The following SETBP1 variants were observed in gnomAD, a reference collection of about 807,000 sequenced individuals.
SETBP1 encodes the protein SET-binding protein.
SETBP1 carries 9 observed loss-of-function variants against 101.0 expected under a neutral mutation model. The observed-to-expected ratio is 0.09, with a 90% CI of 0.05 to 0.16. The LOEUF (loss-of-function observed/expected upper bound fraction) is 0.16. Among genes scored for constraint, SETBP1 ranks in the 10% least tolerant of loss-of-function variants. The pLI is 1.00. For synonymous variants in SETBP1, 818 were observed against 788.5 expected (o/e 1.04, Z -0.63); for missense variants, 1,858 against 2,033.8 (o/e 0.91, Z 1.66).
chr18:44,815,562 GT>G (rs1207995553), intron 2 of SETBP1, among the ~76,000 whole-genome samples: 2 of 152,146 alleles, frequency 1.3e-5, no homozygotes, highest in Admixed American at 6.5e-5. Flanking sequence ...TTCTGGACAT[GT>G]TTTTTTGATG....
At chr18:44,958,268 A>G (rs2071535323) in intron 4 of SETBP1, among the ~76,000 whole-genome samples, 1 of 152,234 alleles carries the variant, frequency 6.6e-6, no homozygotes, top group Non-Finnish European at 1.5e-5. Context: ...ATGAAGTTTG[A>G]AAACAGGTAC....
At chr18:44,816,100 A>C (rs2071969273) in intron 2 of SETBP1, among the ~76,000 whole-genome samples, 1 of 152,168 alleles carries the variant, frequency 6.6e-6, no homozygotes, top group African/African-American at 2.4e-5. Flanking sequence ...GAGGCCTGGG[A>C]GACAGAGGGG....
At chr18:44,865,365 A>G (rs1477770787) in intron 2 of SETBP1, among the ~76,000 whole-genome samples, 1 of 152,128 alleles carries the variant, frequency 6.6e-6, no homozygotes, top group Non-Finnish European at 1.5e-5. Context: ...CCCTTTGTCT[A>G]CACATTTTCT....
chr18:44,791,743 G>A (rs2071376708), intron 2 of SETBP1, among the ~76,000 whole-genome samples: 1 of 152,114 alleles, frequency 6.6e-6, no homozygotes, highest in Non-Finnish European at 1.5e-5. Context: ...GAGAGAGAGC[G>A]AGAGAGAGCA....
intron 2 of SETBP1, among the ~76,000 whole-genome samples, chr18:44,826,642 T>G (rs2072245531): frequency 6.6e-6 from 1 of 152,040 alleles, no homozygotes; most frequent in African/African-American, 2.4e-5. Context: ...TTCCTGTTCC[T>G]GTTGTTGTCG....
At chr18:44,818,753 TCACA>T (rs34683605) in intron 2 of SETBP1, among the ~76,000 whole-genome samples, 46,718 of 140,498 alleles carry the variant, frequency 0.33, 7,248 homozygotes, top group East Asian at 0.38. Context: ...ACGCACACAC[TCACA>T]CACACACACA....
At chr18:44,984,416 T>C (rs968168345) in intron 4 of SETBP1, among the ~76,000 whole-genome samples, 1 of 152,122 alleles carries the variant, frequency 6.6e-6, no homozygotes, top group South Asian at 2.1e-4. Flanking sequence ...CAGTTCACAA[T>C]AGGGTTCAGG....
chr18:44,921,877 C>G (rs1715027936), intron 3 of SETBP1, among the ~76,000 whole-genome samples: 1 of 152,150 alleles, frequency 6.6e-6, no homozygotes, highest in Non-Finnish European at 1.5e-5. Context: ...AGTAACACAG[C>G]AAATGGCTTT....
chr18:45,058,477 G>A (rs1166670089), intron 5 of SETBP1, among the ~76,000 whole-genome samples: 2 of 152,152 alleles, frequency 1.3e-5, no homozygotes, highest in East Asian at 3.9e-4. Context: ...AAGAATTACG[G>A]CAAACTAAAT....
chr18:45,043,844 C>T (rs2073558577), intron 5 of SETBP1, among the ~76,000 whole-genome samples: 1 of 152,226 alleles, frequency 6.6e-6, no homozygotes, highest in East Asian at 1.9e-4. Context: ...ACTATGAAAT[C>T]AGAATGAAAT....
intron 4 of SETBP1, among the ~76,000 whole-genome samples, chr18:45,029,399 G>T (rs2073241612): frequency 6.6e-6 from 1 of 152,148 alleles, no homozygotes; most frequent in East Asian, 1.9e-4. Flanking sequence ...GTACCATGCT[G>T]TTTTGGTTAC....
At chr18:44,977,086 C>T (rs1033481998) in intron 4 of SETBP1, among the ~76,000 whole-genome samples, 8 of 152,182 alleles carry the variant, frequency 5.3e-5, no homozygotes, top group African/African-American at 1.7e-4. Flanking sequence ...CTGAGGATTC[C>T]TCCATCTCCA....
intron 4 of SETBP1, among the ~76,000 whole-genome samples, chr18:45,010,359 A>G (rs1451771148): frequency 2.6e-5 from 4 of 152,206 alleles, no homozygotes; most frequent in Non-Finnish European, 5.9e-5. Flanking sequence ...GGCCTGGGAA[A>G]TTCCTAAAAG....
intron 2 of SETBP1, among the ~76,000 whole-genome samples, chr18:44,868,163 A>G (rs1440491947): frequency 1.3e-5 from 2 of 152,220 alleles, no homozygotes; most frequent in South Asian, 4.1e-4. Flanking sequence ...CCGTAACTTT[A>G]GTCTTTAATA....
intron 1 of SETBP1, among the ~76,000 whole-genome samples, chr18:44,700,767 G>A (rs898063471): frequency 6.6e-5 from 10 of 152,076 alleles, no homozygotes; most frequent in Admixed American, 5.2e-4. Context: ...ACAGAGAAGC[G>A]GTGCAAAAAG....
At chr18:44,816,806 C>T (rs2071989248) in intron 2 of SETBP1, among the ~76,000 whole-genome samples, 1 of 152,160 alleles carries the variant, frequency 6.6e-6, no homozygotes, top group African/African-American at 2.4e-5. Flanking sequence ...TAAAAAAACA[C>T]CTTTCAAATT....
chr18:44,945,996 AG>A (rs1299146127), intron 3 of SETBP1, among the ~76,000 whole-genome samples: 1 of 152,238 alleles, frequency 6.6e-6, no homozygotes, highest in Non-Finnish European at 1.5e-5. Context: ...TGGAAATGAC[AG>A]CCTCACTATT....
At chr18:44,947,757 C>T (rs930855960) in intron 3 of SETBP1, among the ~76,000 whole-genome samples, 5 of 152,132 alleles carry the variant, frequency 3.3e-5, no homozygotes, top group Non-Finnish European at 5.9e-5. Flanking sequence ...CTGCCCGCCT[C>T]GGCCTCCCAA....
chr18:44,883,148 T>A (rs1470615484), intron 3 of SETBP1, among the ~76,000 whole-genome samples: 5 of 152,202 alleles, frequency 3.3e-5, no homozygotes, highest in African/African-American at 1.2e-4. Context: ...CAGTGATTTA[T>A]CTCTTTGTCT....
Sources: gnomAD v4.1 joint callset for allele counts (sites outside exome capture counted in the v4.1 genomes callset) on GRCh38, gnomAD v4.1.1 for gene constraint, MANE v1.5 for transcripts, NCBI Gene and HGNC (gene_info 2026-07-23, HGNC 2026-07-21) for gene names.